Variants in WDR59 observed in about 807,000 individuals in gnomAD.
WDR59 encodes GATOR2 complex protein WDR59.
WDR59 carries 100 observed loss-of-function variants against 131.2 expected under a neutral mutation model. The observed-to-expected ratio is 0.76, with a 90% CI of 0.65 to 0.90. The LOEUF (loss-of-function observed/expected upper bound fraction) is 0.90. Among genes scored for constraint, WDR59 ranks in the 40% least tolerant of loss-of-function variants. WDR59 has a pLI of 0.00. For synonymous variants in WDR59, 601 were observed against 466.2 expected, an observed-to-expected ratio of 1.29 and a Z score of -3.72; for missense variants, 1,203 against 1,262.2, an observed-to-expected ratio of 0.95 and a Z score of 0.71.
At chr16:74,880,273 C>T (rs1344907071) in intron 25 of WDR59, among the ~76,000 whole-genome samples, 1 of 151,956 alleles carries the variant, frequency 6.6e-6, no homozygotes, top group Middle Eastern at 3.2e-3. Flanking sequence ...TGGTGAAACC[C>T]CATCTCTACT....
At chr16:74,907,763 A>G (rs1965887633) in intron 17 of WDR59, among the ~76,000 whole-genome samples, 1 of 152,226 alleles carries the variant, frequency 6.6e-6, no homozygotes, top group Admixed American at 6.5e-5. Flanking sequence ...ACCAGTAATC[A>G]AAACAGGAAA....
At chr16:74,935,124 G>T (rs918170807) in intron 8 of WDR59, among the ~76,000 whole-genome samples, 1 of 152,136 alleles carries the variant, frequency 6.6e-6, no homozygotes, top group Middle Eastern at 3.4e-3. Context: ...AGCTACTGAG[G>T]GAGGCTGAGA....
At chr16:74,913,913 A>G (rs779455033) in intron 13 of WDR59, among the ~76,000 whole-genome samples, 1 of 152,204 alleles carries the variant, frequency 6.6e-6, no homozygotes, top group African/African-American at 2.4e-5. Context: ...ATACTTTAAA[A>G]AGCGGAATTT....
At chr16:74,953,142 T>G (rs1357108273) in intron 3 of WDR59, among the ~76,000 whole-genome samples, 1 of 152,100 alleles carries the variant, frequency 6.6e-6, no homozygotes, top group Admixed American at 6.6e-5. Context: ...AAACTAGGAC[T>G]TGACCTCAGA....
intron 13 of WDR59, 156 bp downstream of exon 13, chr16:74,915,714 G>A (rs1216855384): frequency 1.2e-5 from 13 of 1,070,446 alleles, no homozygotes; most frequent in East Asian, 5.2e-5. Context: ...GTGAGCCACC[G>A]CGCCTGGCCA....
chr16:74,901,455 G>A (rs1965545139), intron 18 of WDR59, among the ~76,000 whole-genome samples: 2 of 152,096 alleles, frequency 1.3e-5, no homozygotes, highest in Admixed American at 1.3e-4. Flanking sequence ...GGGCAACATA[G>A]CGGGACCCCA....
chr16:74,892,344 A>T, intron 20 of WDR59, 140 bp downstream of exon 20: 1 of 780,296 alleles, frequency 1.3e-6, no homozygotes, highest in Non-Finnish European at 2.1e-6. Flanking sequence ...CTCTAACCCT[A>T]CAGACTGGCA....
chr16:74,979,078 T>C (rs1408307233), intron 1 of WDR59: 2 of 152,194 alleles, frequency 1.3e-5, no homozygotes, highest in African/African-American at 2.4e-5. Context: ...TCCAATATCA[T>C]AGCCATTAGC....
intron 24 of WDR59, 144 bp from the exon 25 acceptor site, chr16:74,885,939 G>C: frequency 3.0e-6 from 3 of 1,002,322 alleles, no homozygotes; most frequent in Non-Finnish European, 4.3e-6. Context: ...CACTTTGGGA[G>C]GCTGAGGCGG....
intron 25 of WDR59, among the ~76,000 whole-genome samples, chr16:74,878,147 G>A (rs565153428): frequency 6.6e-6 from 1 of 152,154 alleles, no homozygotes; most frequent in East Asian, 1.9e-4. Flanking sequence ...TAGCATTATT[G>A]TAAGAGCTCT....
chr16:74,926,658 T>C (rs1000003719), intron 8 of WDR59, among the ~76,000 whole-genome samples: 3 of 152,318 alleles, frequency 2.0e-5, no homozygotes, highest in Middle Eastern at 3.4e-3. Context: ...CAAAAATCTC[T>C]TACTAAACTT....
Position 74,912,191 on chromosome 16 carries a change from C to T in WDR59, c.1389+7G>A. On this transcript the variant is annotated splice_region_variant and intron_variant, in intron 14 of 25. Transcript: ENST00000262144. ...AGCAAGGAGAATTTGGGAACCCAGA[C>T]CCCCACCTTCAGCAGCTTAGCTTTC... The T allele has an allele frequency of 2.5e-6, 4 of 1,614,144 alleles. No individual in the cohort carries two copies. The highest frequency in any genetic ancestry group is 1.1e-5 in the South Asian group (1 of 91,074).
At chr16:74,903,256 T>C (rs1965636501) in intron 18 of WDR59, among the ~76,000 whole-genome samples, 1 of 152,238 alleles carries the variant, frequency 6.6e-6, no homozygotes, top group Non-Finnish European at 1.5e-5. Context: ...GGTAACTCTG[T>C]TTAAAACATC....
At chr16:74,951,608 C>T in intron 3 of WDR59, 65 bp from the exon 4 acceptor site, 1 of 1,435,200 alleles carries the variant, frequency 7.0e-7, no homozygotes, top group Non-Finnish European at 9.6e-7. Flanking sequence ...CCCCAATCAG[C>T]TTAAGGCAGT....
intron 6 of WDR59, among the ~76,000 whole-genome samples, chr16:74,945,482 TAAAA>T (rs796605514): frequency 7.4e-6 from 1 of 136,012 alleles, no homozygotes; most frequent in African/African-American, 2.6e-5. Context: ...GTCTCAAAAA[TAAAA>T]AAAAAAAAGA....
chr16:74,984,893 A>C, intron 1 of WDR59, 71 bp downstream of exon 1: 1 of 1,567,026 alleles, frequency 6.4e-7, no homozygotes, highest in Non-Finnish European at 8.7e-7. Context: ...CCCGGGACGG[A>C]AGCAGCCGCG....
At chr16:74,899,577 G>A (rs1024924688) in intron 18 of WDR59, 4 of 752,396 alleles carry the variant, frequency 5.3e-6, no homozygotes, top group Admixed American at 2.8e-5. Context: ...ACTGTTGCTG[G>A]TCCTGAAAAC....
chr16:74,969,199 T>C (rs2033885152), intron 1 of WDR59, among the ~76,000 whole-genome samples: 1 of 152,210 alleles, frequency 6.6e-6, no homozygotes, highest in Admixed American at 6.5e-5. Flanking sequence ...AGGTTAGAGG[T>C]GTAAAGTGGC....
intron 3 of WDR59, among the ~76,000 whole-genome samples, 191 bp downstream of exon 3, chr16:74,956,284 C>T (rs1332536051): frequency 6.6e-5 from 10 of 152,180 alleles, no homozygotes; most frequent in South Asian, 2.1e-4. Context: ...GGCCTGACAC[C>T]GATGGGACCA....
Sources: allele counts gnomAD v4.1 joint callset (sites outside exome capture counted in the v4.1 genomes callset), GRCh38; gene constraint gnomAD v4.1.1; transcripts MANE v1.5; gene names NCBI Gene and HGNC (gene_info 2026-07-23, HGNC 2026-07-21).